MEIG1: variants seen among roughly 807,000 people sequenced by gnomAD.
The protein encoded by MEIG1 is meiosis/spermiogenesis associated 1, also known as meiosis expressed gene 1 protein homolog.
In MEIG1, 12 loss-of-function variants were observed where a neutral mutation model predicts 11.3. The ratio of observed to expected loss-of-function variants is 1.07; its 90% confidence interval spans 0.68 to 1.73. The LOEUF (loss-of-function observed/expected upper bound fraction) is 1.73, where lower values mean the gene tolerates loss of function less well. Ranked by LOEUF, MEIG1 falls within the 40% of genes most tolerant of loss-of-function variation. The probability of loss-of-function intolerance (pLI) is 0.00; values close to 1 mark genes in which losing one functional copy is unlikely to be tolerated. For synonymous variants in MEIG1, 41 were observed against 33.2 expected (o/e 1.24, Z -0.81); for missense variants, 119 against 104.9 (o/e 1.13, Z -0.59).
chr10:14,955,948 G>A (rs1842939094), upstream of MEIG1, among the ~76,000 whole-genome samples: 1 of 152,216 alleles, frequency 6.6e-6, no homozygotes. Context: ...GGGTTATGGA[G>A]ACCTAACAAC....
intron 2 of MEIG1, among the ~76,000 whole-genome samples, chr10:14,967,424 G>C (rs569732617): frequency 5.3e-5 from 8 of 152,016 alleles, no homozygotes; most frequent in Non-Finnish European, 7.4e-5. Context: ...CTTTATGAAG[G>C]CTAGACCAAA....
chr10:14,976,172 C>G (rs920052956), downstream of MEIG1, among the ~76,000 whole-genome samples: 1 of 152,130 alleles, frequency 6.6e-6, no homozygotes, highest in African/African-American at 2.4e-5. Context: ...AGGATCTTTT[C>G]TCTACTGCCA....
At chr10:14,964,585 G>GTGTGTGTATATATATATATA (rs1378376059) in intron 1 of MEIG1, among the ~76,000 whole-genome samples, 6 of 93,032 alleles carry the variant, frequency 6.4e-5, no homozygotes, top group African/African-American at 2.4e-4. Context: ...GTGTGTGTGT[G>GTGTGTGTATATATATATATA]TATATATATA....
At position 14,972,557 on chromosome 10, in the gene MEIG1, A is replaced by G; in HGVS notation, c.183A>G (p.Arg61=). 6.2e-7 allele frequency: 1 copy of G among 1,614,132 alleles called. No individual in the cohort carries two copies. The highest frequency in any genetic ancestry group is 8.5e-7 in the Non-Finnish European group (1 of 1,179,988). The change falls in exon 3 of 3, where the codon AGA becomes AGG. Residue 61 remains arginine (R), a synonymous_variant. Transcript: ENST00000407572. ...PETGYVKKLQ[R]RDNTFYYYNK... ...CAGGATATGTGAAGAAACTTCAGAGAAGGGACAATACGTTCTATTACTACA... is the reference window on the plus strand; with the variant it reads ...CAGGATATGTGAAGAAACTTCAGAGGAGGGACAATACGTTCTATTACTACA...
At chr10:14,970,388 T>C (rs1310092429) in intron 2 of MEIG1, 1 of 152,228 alleles carries the variant, frequency 6.6e-6, no homozygotes, top group African/African-American at 2.4e-5. Flanking sequence ...GTCCTAAGGA[T>C]TGTCCCATAT....
rs146741547 is a variant in MEIG1, at chr10:14,985,911, G to T, written n.67-885G>T. ...ATATCACAGTGCGTGTACCCCGGGT[G>T]TGTACACCCTTGATATTAGTCTTAA... On this transcript the variant is annotated intron_variant and non_coding_transcript_variant, in intron 1 of 2. Transcript: ENST00000467536. Among the ~76,000 whole-genome samples the T allele has an allele frequency of 2.4e-3, 358 of 152,126 alleles. 8 individuals are homozygous for T. The East Asian group carries it at 0.04, about 17-fold the overall frequency.
At chr10:14,979,011 T>A (rs1843238481) in intron 1 of MEIG1, among the ~76,000 whole-genome samples, 1 of 152,090 alleles carries the variant, frequency 6.6e-6, no homozygotes, top group Non-Finnish European at 1.5e-5. Context: ...GTGTACACCT[T>A]GTGATATTAT....
chr10:14,987,840 A>G (rs979493239), exon 3 of MEIG1: 1 of 168,922 alleles, frequency 5.9e-6, no homozygotes, highest in Non-Finnish European at 1.3e-5. Context: ...AATACACTCT[A>G]CTTTATTCTG....
At chr10:14,959,765 A>G (rs892305279) in intron 1 of MEIG1, among the ~76,000 whole-genome samples, 5 of 152,322 alleles carry the variant, frequency 3.3e-5, no homozygotes, top group South Asian at 2.1e-4. Context: ...CCAGAATCTC[A>G]GGGTCCGGTT....
intron 1 of MEIG1, among the ~76,000 whole-genome samples, chr10:14,986,227 A>T (rs1843316762): frequency 6.6e-6 from 1 of 152,158 alleles, no homozygotes; most frequent in Admixed American, 6.6e-5. Flanking sequence ...CGGGAGGTGG[A>T]GGCAGAAGAA....
In MEIG1 at chr10:14,987,143, C is replaced by G. The variant is rs186702608; in HGVS notation, n.285+129C>G. ...GACCAAGAAAGACATCTGTGTCAGG[C>G]AGCCCGCATGAGAGATGACTCTGCT... is the stretch of plus-strand genomic sequence containing the variant. On this transcript the variant is annotated intron_variant and non_coding_transcript_variant, in intron 2 of 2. Transcript: ENST00000467536. The G allele has an allele frequency of 5.4e-3, 4,707 of 878,402 alleles. 32 individuals carry two copies. Among genetic ancestry groups the G allele is most frequent in the Middle Eastern group, 0.014 (59 of 4,184 alleles). 54.4% of individuals were successfully genotyped at this position (878,402 alleles called of 1,614,324 possible). A position where few individuals can be genotyped will look rare whatever the true frequency, so the allele number is the denominator to read the frequency against.
intron 1 of MEIG1, among the ~76,000 whole-genome samples, chr10:14,984,128 C>A (rs187616081): frequency 1.8e-4 from 27 of 152,120 alleles, no homozygotes; most frequent in African/African-American, 5.3e-4. Flanking sequence ...ATTGACAATA[C>A]CGTCAACACG....
chr10:14,963,618 C>T (rs150192341), intron 1 of MEIG1, among the ~76,000 whole-genome samples: 3 of 152,082 alleles, frequency 2.0e-5, no homozygotes, highest in Non-Finnish European at 2.9e-5. Context: ...TTCACTGAAG[C>T]GTGGCTTATT....
intron 1 of MEIG1, among the ~76,000 whole-genome samples, chr10:14,986,104 C>T (rs1843315685): frequency 6.6e-6 from 1 of 152,142 alleles, no homozygotes; most frequent in African/African-American, 2.4e-5. Context: ...ATTCTAATAT[C>T]ACAGTGGGTC....
intron 1 of MEIG1, among the ~76,000 whole-genome samples, chr10:14,965,797 T>C (rs1714086525): frequency 6.6e-6 from 1 of 151,976 alleles, no homozygotes; most frequent in Non-Finnish European, 1.5e-5. Context: ...ATGTGCAAAC[T>C]ATTACCTGGA....
At chr10:14,961,156 A>G (rs1843008210) in intron 1 of MEIG1, among the ~76,000 whole-genome samples, 1 of 152,230 alleles carries the variant, frequency 6.6e-6, no homozygotes, top group African/African-American at 2.4e-5. Context: ...ACGTCCTCAG[A>G]ACACTTAGCT....
chr10:14,975,924 C>A (rs1286722366), downstream of MEIG1, among the ~76,000 whole-genome samples: 2 of 152,138 alleles, frequency 1.3e-5, no homozygotes, highest in Non-Finnish European at 2.9e-5. Context: ...GATGCTATTA[C>A]TGCAAATAGT....
intron 1 of MEIG1, among the ~76,000 whole-genome samples, chr10:14,962,945 G>C (rs961784368): frequency 1.3e-5 from 2 of 149,954 alleles, no homozygotes; most frequent in Non-Finnish European, 3.0e-5. Flanking sequence ...TATATTTTTA[G>C]TAGACACGGG....
intron 2 of MEIG1, chr10:14,987,320 A>T: frequency 1.2e-6 from 1 of 807,246 alleles, no homozygotes. Context: ...CCTCAGAACC[A>T]TGACCAGATA....
Sources: gnomAD v4.1 joint callset for allele counts (sites outside exome capture counted in the v4.1 genomes callset) on GRCh38, gnomAD v4.1.1 for gene constraint, MANE v1.5 for transcripts, NCBI Gene and HGNC (gene_info 2026-07-23, HGNC 2026-07-21) for gene names.